Variants in SLC4A5 observed in about 807,000 individuals in gnomAD.
SLC4A5 encodes the protein electrogenic sodium bicarbonate cotransporter 4.
Under a neutral mutation model 120.4 loss-of-function variants are expected in SLC4A5, and 96 were observed. The observed-to-expected ratio is 0.80, with a 90% confidence interval of 0.68 to 0.94. The LOEUF is 0.94. Among genes scored for constraint, SLC4A5 ranks in the 40% least tolerant of loss-of-function variants. The pLI is 0.00. For synonymous variants in SLC4A5, 550 were observed against 571.1 expected, an observed-to-expected ratio of 0.96 and a Z score of 0.53; for missense variants, 1,259 against 1,459.5, an observed-to-expected ratio of 0.86 and a Z score of 2.24.
intron 7 of SLC4A5, among the ~76,000 whole-genome samples, chr2:74,303,820 C>G (rs1054109366): frequency 2.0e-4 from 31 of 152,006 alleles, no homozygotes; most frequent in African/African-American, 7.5e-4. Context: ...AGCACAATGC[C>G]TCATACAAAA....
chr2:74,265,884 A>G (rs1671286227), intron 8 of SLC4A5, among the ~76,000 whole-genome samples: 1 of 152,106 alleles, frequency 6.6e-6, no homozygotes, highest in Non-Finnish European at 1.5e-5. Context: ...CCTTTCTAGA[A>G]GACTTGGAAT....
At chr2:74,310,936 CTTTTT>C (rs1004124079) in intron 6 of SLC4A5, among the ~76,000 whole-genome samples, 25 of 137,026 alleles carry the variant, frequency 1.8e-4, no homozygotes, top group Non-Finnish European at 1.6e-5. Flanking sequence ...GCCTGTTGCT[CTTTTT>C]TTTTTTTTGG....
chr2:74,234,182 T>TC (rs1285479071), intron 22 of SLC4A5, among the ~76,000 whole-genome samples: 2 of 151,562 alleles, frequency 1.3e-5, no homozygotes, highest in Non-Finnish European at 2.9e-5. Flanking sequence ...TTTCTTTCTT[T>TC]TTTTTTTTGT....
chr2:74,275,140 C>T (rs899699937), intron 8 of SLC4A5, among the ~76,000 whole-genome samples: 3 of 152,186 alleles, frequency 2.0e-5, no homozygotes, highest in African/African-American at 7.2e-5. Context: ...AACACTCCTT[C>T]CCAGACAGTG....
chr2:74,299,793 T>A (rs555311941), intron 7 of SLC4A5, among the ~76,000 whole-genome samples: 155 of 152,202 alleles, frequency 1.0e-3, no homozygotes, highest in South Asian at 5.8e-3. Flanking sequence ...GTACAGCCAT[T>A]ATGGAAAATA....
chr2:74,232,420 G>T, intron 24 of SLC4A5, 49 bp downstream of exon 24: 1 of 1,576,140 alleles, frequency 6.3e-7, no homozygotes, highest in Non-Finnish European at 8.6e-7. Context: ...TCTCCTCCCC[G>T]AGTGGGCCCC....
chr2:74,272,210 G>A (rs546971614), intron 8 of SLC4A5, among the ~76,000 whole-genome samples: 2 of 152,334 alleles, frequency 1.3e-5, no homozygotes, highest in South Asian at 4.1e-4. Context: ...GTAGGTGGGG[G>A]ACAGAGAAAC....
chr2:74,259,964 G>A (rs181357971), intron 11 of SLC4A5, among the ~76,000 whole-genome samples: 19 of 152,288 alleles, frequency 1.2e-4, no homozygotes, highest in Middle Eastern at 3.4e-3. Context: ...CACCAGGCCC[G>A]GATAGGAGGA....
intron 8 of SLC4A5, among the ~76,000 whole-genome samples, chr2:74,267,511 C>G (rs1402383119): frequency 6.6e-6 from 1 of 152,210 alleles, no homozygotes; most frequent in East Asian, 1.9e-4. Flanking sequence ...AGGACGGACA[C>G]TACCATCCCA....
At chr2:74,281,259 T>C (rs1671804642) in intron 8 of SLC4A5, among the ~76,000 whole-genome samples, 1 of 152,208 alleles carries the variant, frequency 6.6e-6, no homozygotes, top group South Asian at 2.1e-4. Flanking sequence ...CAGCTTGGAT[T>C]TGGAATTTGC....
chr2:74,263,977 G>A lies in SLC4A5; in HGVS notation c.715+170C>T, dbSNP rs540289716. Among the ~76,000 whole-genome samples the A allele has an allele frequency of 6.6e-5, 10 of 152,352 alleles. No homozygotes were observed. The South Asian group carries it at 1.7e-3, about 25-fold the overall frequency. ...TCTGCTCTGGTGGTGGGAACAACACGGGAGTGTGGCTGGGGTCCCCACAGG... is the reference window on the plus strand; with the variant it reads ...TCTGCTCTGGTGGTGGGAACAACACAGGAGTGTGGCTGGGGTCCCCACAGG... On this transcript the variant is annotated intron_variant, in intron 10 of 30. Coordinates refer to ENST00000394019, the Ensembl canonical transcript of SLC4A5.
At chr2:74,262,518 G>C (rs1374563324) in intron 10 of SLC4A5, among the ~76,000 whole-genome samples, 2 of 151,886 alleles carry the variant, frequency 1.3e-5, no homozygotes, top group East Asian at 3.9e-4. Flanking sequence ...TGGCCAACAT[G>C]GTGAAACCCT....
At position 74,221,421 on chromosome 2, in the gene SLC4A5, T is replaced by TAACA. The variant is rs1357618005; in HGVS notation, c.*33+9_*33+12dup. ...TTACCTAATACGCAAGGAGTCTACC[T>TAACA]AACAGTGTTTACCTTCGGTCAAGTT... is the stretch of plus-strand genomic sequence containing the variant. On this transcript the variant is annotated intron_variant, in intron 30 of 30. Coordinates refer to ENST00000394019, the Ensembl canonical transcript of SLC4A5. 1 of 1,595,682 alleles carries TAACA rather than the reference T, an allele frequency of 6.3e-7. No homozygotes were observed. Among genetic ancestry groups the TAACA allele is most frequent in the South Asian group, 1.1e-5 (1 of 90,660 alleles).
At chr2:74,284,154 CCTTATTT>C in intron 8 of SLC4A5, among the ~76,000 whole-genome samples, 4 of 120,542 alleles carry the variant, frequency 3.3e-5, no homozygotes, top group Non-Finnish European at 4.6e-5. Context: ...AGCCCTTATT[CCTTATTT>C]CTTTTTTTTT....
chr2:74,300,009 T>C (rs1160196003), intron 7 of SLC4A5, among the ~76,000 whole-genome samples: 1 of 152,192 alleles, frequency 6.6e-6, no homozygotes, highest in Non-Finnish European at 1.5e-5. Flanking sequence ...ATGTGGCATA[T>C]ACAAATATAT....
Position 74,276,833 on chromosome 2 carries a change from G to T in SLC4A5, c.401+8940C>A, listed in dbSNP as rs1671657829. Among the ~76,000 whole-genome samples the T allele has an allele frequency of 3.3e-5, 5 of 152,166 alleles. No individual in the cohort carries two copies. The South Asian group carries it at 1.0e-3, about 32-fold the overall frequency. On this transcript the variant is annotated intron_variant, in intron 8 of 30. Transcript: ENST00000394019. ...TTGGACAGATCAGATTCTCCATGAAGAATTTGGAATCGCTGTGGGATGGTC... is the reference window on the plus strand; with the variant it reads ...TTGGACAGATCAGATTCTCCATGAATAATTTGGAATCGCTGTGGGATGGTC...
chr2:74,234,635 C>A (rs1163212221), intron 22 of SLC4A5, among the ~76,000 whole-genome samples: 1 of 152,240 alleles, frequency 6.6e-6, no homozygotes, highest in Non-Finnish European at 1.5e-5. Flanking sequence ...TCCCACCCCC[C>A]AGCTTTTCTG....
At chr2:74,228,954 A>G (rs972583966) in intron 25 of SLC4A5, among the ~76,000 whole-genome samples, 1 of 151,364 alleles carries the variant, frequency 6.6e-6, no homozygotes, top group Admixed American at 6.6e-5. Flanking sequence ...TCTCTCTTTC[A>G]CCTGCAGCTG....
At chr2:74,315,237 C>T (rs574836415) in intron 5 of SLC4A5, among the ~76,000 whole-genome samples, 3 of 151,632 alleles carry the variant, frequency 2.0e-5, no homozygotes, top group East Asian at 2.0e-4. Flanking sequence ...GTCAGGAGTT[C>T]GAGACCAGCC....
Sources: gnomAD v4.1 joint callset for allele counts (sites outside exome capture counted in the v4.1 genomes callset) on GRCh38, gnomAD v4.1.1 for gene constraint, MANE v1.5 for transcripts, NCBI Gene and HGNC (gene_info 2026-07-23, HGNC 2026-07-21) for gene names.